The following MCPH1 variants were observed in gnomAD, a reference collection of about 807,000 sequenced individuals.
MCPH1 encodes the protein microcephalin 1.
In MCPH1, 104 loss-of-function variants were observed where a neutral mutation model predicts 84.5. The ratio of observed to expected loss-of-function variants is 1.23; its 90% CI spans 1.05 to 1.45. The LOEUF (loss-of-function observed/expected upper bound fraction) is 1.45. MCPH1 is among the 40% of genes most tolerant of loss of function. MCPH1 has a pLI of 0.00. For synonymous variants in MCPH1, 514 were observed against 366.8 expected (o/e 1.40, Z -4.58); for missense variants, 1,498 against 1,005.7 (o/e 1.49, Z -6.62).
chr8:6,499,953 T>C (rs1363120213), intron 12 of MCPH1, 24 bp downstream of exon 12: 2 of 1,593,478 alleles, frequency 1.3e-6, no homozygotes. Context: ...TGTTTTACGA[T>C]GGTAAATGCA....
At chr8:6,509,745 A>G (rs571063688) in intron 12 of MCPH1, among the ~76,000 whole-genome samples, 4 of 152,310 alleles carry the variant, frequency 2.6e-5, no homozygotes, top group African/African-American at 9.6e-5. Flanking sequence ...AATGCATGGA[A>G]TACACCTGAC....
At chr8:6,533,528 T>G (rs535648193) in intron 12 of MCPH1, among the ~76,000 whole-genome samples, 44 of 151,558 alleles carry the variant, frequency 2.9e-4, no homozygotes, top group Non-Finnish European at 5.6e-4. Context: ...GCTTTTAAAG[T>G]CATTGTGTAT....
chr8:6,597,852 T>G (rs1829046015), intron 12 of MCPH1, among the ~76,000 whole-genome samples: 1 of 152,106 alleles, frequency 6.6e-6, no homozygotes, highest in Admixed American at 6.5e-5. Flanking sequence ...ACATCCTAGG[T>G]GGGCCTGCCC....
At chr8:6,451,731 T>C (rs1356215122) in intron 8 of MCPH1, among the ~76,000 whole-genome samples, 1 of 152,220 alleles carries the variant, frequency 6.6e-6, no homozygotes, top group Non-Finnish European at 1.5e-5. Flanking sequence ...TAAGATTCTT[T>C]CCAGTCTTAA....
chr8:6,455,004 A>G (rs1216885551), intron 8 of MCPH1, 139 bp from the exon 9 acceptor site: 2 of 688,166 alleles, frequency 2.9e-6, no homozygotes, highest in African/African-American at 3.6e-5. Context: ...ATAGATCTCA[A>G]AGAGCCAGAT....
At chr8:6,591,132 G>A (rs1828420329) in intron 12 of MCPH1, among the ~76,000 whole-genome samples, 1 of 152,212 alleles carries the variant, frequency 6.6e-6, no homozygotes, top group Non-Finnish European at 1.5e-5. Flanking sequence ...CCTGACCTCA[G>A]GTGATCAGCC....
At chr8:6,439,912 G>C (rs747835695) in intron 6 of MCPH1, among the ~76,000 whole-genome samples, 1 of 152,152 alleles carries the variant, frequency 6.6e-6, no homozygotes, top group African/African-American at 2.4e-5. Flanking sequence ...TGTATTTTAA[G>C]TTTAAGTGTT....
chr8:6,565,646 A>G (rs1030915253), intron 12 of MCPH1, among the ~76,000 whole-genome samples: 2 of 152,202 alleles, frequency 1.3e-5, no homozygotes, highest in African/African-American at 4.8e-5. Flanking sequence ...GGCACACCAC[A>G]GTACTTTTTG....
chr8:6,478,969 G>C (rs555175228), intron 10 of MCPH1, among the ~76,000 whole-genome samples: 1 of 152,274 alleles, frequency 6.6e-6, no homozygotes, highest in African/African-American at 2.4e-5. Context: ...GATCACTAGA[G>C]ATAAAACTAA....
chr8:6,626,734 G>A (rs1294978735), intron 13 of MCPH1: 1 of 985,224 alleles, frequency 1.0e-6, no homozygotes, highest in African/African-American at 1.7e-5. Flanking sequence ...TGGCTGGGGT[G>A]AGGATCACAA....
At chr8:6,464,813 C>T (rs775781001) in intron 9 of MCPH1, among the ~76,000 whole-genome samples, 9 of 152,218 alleles carry the variant, frequency 5.9e-5, no homozygotes, top group Admixed American at 1.3e-4. Context: ...GCCTGGCCAA[C>T]ATGGGAAAAC....
intron 9 of MCPH1, among the ~76,000 whole-genome samples, chr8:6,464,107 C>T (rs1220429065): frequency 1.3e-5 from 2 of 152,096 alleles, no homozygotes; most frequent in Non-Finnish European, 2.9e-5. Context: ...TTGTTCAGAC[C>T]CGCTGTACGC....
chr8:6,414,199 G>C (rs1342233342), intron 2 of MCPH1, among the ~76,000 whole-genome samples: 1 of 152,054 alleles, frequency 6.6e-6, no homozygotes. Context: ...GTAGAGACAA[G>C]GTTTCACCAG....
intron 12 of MCPH1, among the ~76,000 whole-genome samples, chr8:6,599,820 G>A (rs1366595809): frequency 6.6e-6 from 1 of 152,182 alleles, no homozygotes; most frequent in African/African-American, 2.4e-5. Context: ...ATTAAATAAA[G>A]CAAGCGGGAA....
At chr8:6,476,952 A>T (rs751539685) in intron 9 of MCPH1, among the ~76,000 whole-genome samples, 2 of 152,196 alleles carry the variant, frequency 1.3e-5, no homozygotes, top group South Asian at 2.1e-4. Context: ...TAGCTGGTGG[A>T]ATTACAGGAA....
chr8:6,585,499 A>G (rs1179909824), intron 12 of MCPH1, among the ~76,000 whole-genome samples: 1 of 152,226 alleles, frequency 6.6e-6, no homozygotes, highest in Non-Finnish European at 1.5e-5. Flanking sequence ...CCGCCTCGAA[A>G]ACATGCAGTT....
At chr8:6,495,516 A>G (rs1213770766) in intron 11 of MCPH1, among the ~76,000 whole-genome samples, 7 of 152,360 alleles carry the variant, frequency 4.6e-5, no homozygotes, top group Admixed American at 2.0e-4. Flanking sequence ...GAGAAAATCA[A>G]TTGCCCTAAC....
At chr8:6,572,869 A>T (rs191589798) in intron 12 of MCPH1, among the ~76,000 whole-genome samples, 28 of 152,378 alleles carry the variant, frequency 1.8e-4, no homozygotes, top group African/African-American at 6.3e-4. Context: ...GAAGCCTCCC[A>T]AACCACGTAA....
At chr8:6,633,492 T>C (rs117986542) in intron 13 of MCPH1, among the ~76,000 whole-genome samples, 124 of 152,286 alleles carry the variant, frequency 8.1e-4, no homozygotes, top group African/African-American at 2.7e-3. Context: ...TGCTCCGATA[T>C]CTTAAACTTT....
Sources: gnomAD v4.1 joint callset for allele counts (sites outside exome capture counted in the v4.1 genomes callset) on GRCh38, gnomAD v4.1.1 for gene constraint, MANE v1.5 for transcripts, NCBI Gene and HGNC (gene_info 2026-07-23, HGNC 2026-07-21) for gene names.